Variants in C8orf34 observed in about 807,000 individuals in gnomAD.
C8orf34 encodes uncharacterized protein C8orf34.
In C8orf34, 65 loss-of-function variants were observed where a neutral mutation model predicts 68.3. The ratio of observed to expected loss-of-function variants is 0.95; its 90% CI spans 0.78 to 1.17. C8orf34 has a LOEUF of 1.17. Ranked by LOEUF, C8orf34 falls within the 50% of genes most tolerant of loss-of-function variation. C8orf34 has a pLI of 0.00. For missense variants in C8orf34, 664 were observed against 655.4 expected, an observed-to-expected ratio of 1.01 and a Z score of -0.14; for synonymous variants, 244 against 241.2, an observed-to-expected ratio of 1.01 and a Z score of -0.11.
At chr8:68,446,230 A>G (rs1477595378) in intron 2 of C8orf34, 99 bp from the exon 3 acceptor site, 8 of 930,350 alleles carry the variant, frequency 8.6e-6, no homozygotes, top group African/African-American at 3.3e-5. Context: ...GAGGTGACCT[A>G]TATGTTTTGT....
chr8:68,652,905 T>A (rs1819404667), intron 8 of C8orf34, among the ~76,000 whole-genome samples: 1 of 152,166 alleles, frequency 6.6e-6, no homozygotes, highest in Admixed American at 6.5e-5. Flanking sequence ...GTGAAAAAGA[T>A]CAGGGCAAAA....
chr8:68,350,157 A>C (rs1806450695), intron 1 of C8orf34, among the ~76,000 whole-genome samples: 1 of 151,790 alleles, frequency 6.6e-6, no homozygotes, highest in Admixed American at 6.6e-5. Context: ...AGATTCTGGT[A>C]TGTTGTATGT....
intron 4 of C8orf34, among the ~76,000 whole-genome samples, chr8:68,478,366 C>T (rs1812713959): frequency 1.3e-5 from 2 of 152,132 alleles, no homozygotes; most frequent in Non-Finnish European, 2.9e-5. Flanking sequence ...CTTCATTGTC[C>T]ATATCACTAT....
chr8:68,429,205 T>C (rs140223461), intron 1 of C8orf34, among the ~76,000 whole-genome samples: 154 of 152,172 alleles, frequency 1.0e-3, no homozygotes, highest in African/African-American at 3.5e-3. Flanking sequence ...CAGACCATTA[T>C]GAAAAAGAAA....
chr8:68,791,007 A>G (rs1466816295), intron 12 of C8orf34: 7 of 602,454 alleles, frequency 1.2e-5, no homozygotes, highest in African/African-American at 7.4e-5. Flanking sequence ...TTCCTCATCT[A>G]TAAATAAGTT....
intron 4 of C8orf34, among the ~76,000 whole-genome samples, chr8:68,486,993 A>G (rs1813106954): frequency 6.6e-6 from 1 of 152,212 alleles, no homozygotes; most frequent in African/African-American, 2.4e-5. Flanking sequence ...GCCCTGCCAC[A>G]GTGCTGAAGT....
intron 7 of C8orf34, among the ~76,000 whole-genome samples, chr8:68,536,425 C>T (rs1387249673): frequency 7.1e-6 from 1 of 140,598 alleles, no homozygotes; most frequent in African/African-American, 2.6e-5. Flanking sequence ...GTATATTTTA[C>T]TACATTAATT....
At chr8:68,398,928 G>A (rs1027802180) in intron 1 of C8orf34, among the ~76,000 whole-genome samples, 4 of 151,890 alleles carry the variant, frequency 2.6e-5, no homozygotes, top group East Asian at 1.9e-4. Context: ...GCTGTCCCTC[G>A]GGCCACTATT....
At chr8:68,498,011 A>G (rs767494200) in intron 5 of C8orf34, among the ~76,000 whole-genome samples, 28 of 152,084 alleles carry the variant, frequency 1.8e-4, no homozygotes, top group Admixed American at 3.3e-4. Context: ...TATTTTTAGT[A>G]GAGATGGGGT....
chr8:68,743,388 T>G (rs10102202), intron 10 of C8orf34, among the ~76,000 whole-genome samples: 1 of 152,008 alleles, frequency 6.6e-6, no homozygotes, highest in African/African-American at 2.4e-5. Flanking sequence ...GGAACAGCTC[T>G]GGTCTACAGC....
rs567657819 is a variant in C8orf34, at chr8:68,659,475, A to G, written c.1241+18964A>G. Among the ~76,000 whole-genome samples, 7 of 152,216 alleles carry G rather than the reference A, an allele frequency of 4.6e-5. No homozygotes were observed. The South Asian group carries it at 1.4e-3, about 32-fold the overall frequency. ...CATAAGACTGTTTTTTCTTGAATTG[A>G]TCATAGTTATGTCTTTTAAAGTACA... On this transcript the variant is annotated intron_variant, in intron 8 of 13. Transcript: ENST00000518698.
At chr8:68,638,409 T>C (rs563592645) in intron 7 of C8orf34, among the ~76,000 whole-genome samples, 6 of 152,152 alleles carry the variant, frequency 3.9e-5, no homozygotes, top group Admixed American at 3.3e-4. Context: ...AAATTTTAGA[T>C]AGGTTCATAA....
At chr8:68,343,805 G>T (rs186045884) in intron 1 of C8orf34, among the ~76,000 whole-genome samples, 1 of 152,012 alleles carries the variant, frequency 6.6e-6, no homozygotes, top group Admixed American at 6.6e-5. Flanking sequence ...TGTTGGTTAG[G>T]CTAGTCTCGA....
intron 2 of C8orf34, among the ~76,000 whole-genome samples, chr8:68,441,793 G>A (rs1378843883): frequency 2.0e-5 from 3 of 152,148 alleles, no homozygotes; most frequent in Non-Finnish European, 4.4e-5. Flanking sequence ...CTGTTTCAAA[G>A]CAAGTTAAAA....
At chr8:68,525,457 A>G in intron 6 of C8orf34, 1 of 553,500 alleles carries the variant, frequency 1.8e-6, no homozygotes, top group Non-Finnish European at 3.2e-6. Context: ...GTTCAATCCA[A>G]AACAAATTTC....
intron 10 of C8orf34, among the ~76,000 whole-genome samples, chr8:68,751,406 T>C (rs904068795): frequency 6.6e-6 from 1 of 152,072 alleles, no homozygotes; most frequent in Non-Finnish European, 1.5e-5. Context: ...CAGAGAAGGA[T>C]TGTTATTTTT....
chr8:68,335,083 C>G (rs913466801), intron 1 of C8orf34, among the ~76,000 whole-genome samples: 3 of 152,102 alleles, frequency 2.0e-5, no homozygotes, highest in Non-Finnish European at 4.4e-5. Context: ...TGTTCCCCCT[C>G]TCATAAGGAT....
intron 7 of C8orf34, among the ~76,000 whole-genome samples, chr8:68,573,921 TAA>T (rs1464973199): frequency 1.3e-5 from 2 of 152,186 alleles, no homozygotes; most frequent in Non-Finnish European, 2.9e-5. Context: ...TATGGTGAAA[TAA>T]ATTTGTGAAA....
intron 7 of C8orf34, among the ~76,000 whole-genome samples, chr8:68,616,585 T>C (rs1233404997): frequency 6.6e-6 from 1 of 152,200 alleles, no homozygotes. Flanking sequence ...TCAGTTTCCA[T>C]GTAGTTGAGC....
Sources: allele counts gnomAD v4.1 joint callset (sites outside exome capture counted in the v4.1 genomes callset), GRCh38; gene constraint gnomAD v4.1.1; transcripts MANE v1.5; gene names NCBI Gene and HGNC (gene_info 2026-07-23, HGNC 2026-07-21).